LDLRAD4: variants seen among roughly 807,000 people sequenced by gnomAD.
LDLRAD4 encodes the protein low density lipoprotein receptor class A domain containing 4.
In LDLRAD4, 5 loss-of-function variants were observed where a neutral mutation model predicts 17.0. That is an observed-to-expected ratio of 0.29 (90% CI 0.15 to 0.62). The LOEUF (loss-of-function observed/expected upper bound fraction) is 0.62, where lower values mean the gene tolerates loss of function less well. Among genes scored for constraint, LDLRAD4 ranks in the 20% least tolerant of loss-of-function variants. The pLI is 0.84. For missense variants in LDLRAD4, 340 were observed against 424.7 expected, an observed-to-expected ratio of 0.80 and a Z score of 1.75; for synonymous variants, 168 against 171.8, an observed-to-expected ratio of 0.98 and a Z score of 0.17.
At chr18:13,469,472 G>A (rs1852597572) in intron 3 of LDLRAD4, among the ~76,000 whole-genome samples, 1 of 152,082 alleles carries the variant, frequency 6.6e-6, no homozygotes, top group African/African-American at 2.4e-5. Context: ...GCCAGAGAGT[G>A]GAAATAACTT....
At chr18:13,376,502 C>T (rs1568069316) in intron 1 of LDLRAD4, among the ~76,000 whole-genome samples, 1 of 152,214 alleles carries the variant, frequency 6.6e-6, no homozygotes, top group Non-Finnish European at 1.5e-5. Context: ...ATTCTCCTGC[C>T]TGGATCTGAC....
chr18:13,466,472 C>CAA (rs5823251), intron 3 of LDLRAD4, among the ~76,000 whole-genome samples: 2,057 of 108,330 alleles, frequency 0.019, 44 homozygotes, highest in African/African-American at 0.056. Flanking sequence ...CTTGTTTCAC[C>CAA]AAAAAAAAAA....
At chr18:13,535,773 G>T (rs2094193746) in intron 3 of LDLRAD4, among the ~76,000 whole-genome samples, 1 of 152,056 alleles carries the variant, frequency 6.6e-6, no homozygotes, top group African/African-American at 2.4e-5. Flanking sequence ...TCTTCTATAA[G>T]TTTAACAGTT....
rs139187435 is a variant in LDLRAD4 at position 13,509,411 on chromosome 18, T to C, written c.181+71027T>C. ...TTTAAGACTTCAGTGAGGAACTAACTGCAAATAAGGTAGAAATAGCAAGAG... is the reference window on the plus strand; with the variant it reads ...TTTAAGACTTCAGTGAGGAACTAACCGCAAATAAGGTAGAAATAGCAAGAG... On this transcript the variant is annotated intron_variant, in intron 3 of 5. Transcript: ENST00000359446. 3.4e-3 allele frequency among the ~76,000 whole-genome samples: 513 copies of C among 152,338 alleles called. 2 individuals are homozygous for C. The highest frequency in any genetic ancestry group is 5.5e-3 in the Non-Finnish European group (374 of 68,032).
intron 2 of LDLRAD4, among the ~76,000 whole-genome samples, chr18:13,396,424 T>C (rs897873731): frequency 6.6e-6 from 1 of 152,252 alleles, no homozygotes; most frequent in African/African-American, 2.4e-5. Flanking sequence ...AGATTACTTA[T>C]GATACCACAT....
chr18:13,276,662 C>CT (rs2044888475), upstream of LDLRAD4, among the ~76,000 whole-genome samples: 1 of 152,222 alleles, frequency 6.6e-6, no homozygotes, highest in African/African-American at 2.4e-5. Flanking sequence ...CCTCACAGGC[C>CT]CCATCATGAG....
chr18:13,384,582 C>T (rs1265786720), intron 1 of LDLRAD4, among the ~76,000 whole-genome samples: 1 of 152,186 alleles, frequency 6.6e-6, no homozygotes, highest in Non-Finnish European at 1.5e-5. Context: ...CGTTCTTCCT[C>T]CTGCCTCTGG....
At chr18:13,465,655 G>T (rs2092590979) in intron 3 of LDLRAD4, among the ~76,000 whole-genome samples, 1 of 152,226 alleles carries the variant, frequency 6.6e-6, no homozygotes, top group Admixed American at 6.5e-5. Context: ...TGGCATCAGG[G>T]TTGTATCTGT....
rs113898254 is a variant in LDLRAD4, at chr18:13,430,619, C to T, written c.41-7625C>T. ...GGGTGCTGGTTACTTGGGTGTTTTT[C>T]GGTCTGCATAGACTCATTGAGCTGG... On this transcript the variant is annotated intron_variant, in intron 2 of 5. Transcript: ENST00000359446. 9.6e-3 allele frequency among the ~76,000 whole-genome samples: 1,456 copies of T among 152,258 alleles called. 19 individuals are homozygous for T. Among genetic ancestry groups the T allele is most frequent in the African/African-American group, 0.031 (1,302 of 41,550 alleles).
rs143267958 is a variant in LDLRAD4, at chr18:13,229,844, C to T, written c.-467+10856C>T. On this transcript the variant is annotated intron_variant, in intron 1 of 5. Transcript: ENST00000399848. ...GACAGGTGTGCCCACGGTTGCCACACAGGGCTAACAACCATACCAGGGAGA... is the reference window on the plus strand; with the variant it reads ...GACAGGTGTGCCCACGGTTGCCACATAGGGCTAACAACCATACCAGGGAGA... Among the ~76,000 whole-genome samples the T allele has an allele frequency of 6.9e-3, 1,058 of 152,336 alleles. 7 individuals are homozygous for T. Among genetic ancestry groups the T allele is most frequent in the Non-Finnish European group, 0.011 (760 of 68,026 alleles).
chr18:13,277,390 C>G (rs1015758137), upstream of LDLRAD4, among the ~76,000 whole-genome samples: 2 of 152,184 alleles, frequency 1.3e-5, no homozygotes, highest in Non-Finnish European at 2.9e-5. Flanking sequence ...GAGGCGGTCA[C>G]CCGAGGATAC....
intron 3 of LDLRAD4, among the ~76,000 whole-genome samples, chr18:13,512,050 G>T (rs542502938): frequency 2.0e-5 from 3 of 152,290 alleles, no homozygotes; most frequent in Non-Finnish European, 4.4e-5. Flanking sequence ...GAGCGCTTGC[G>T]TTGCTCCGTT....
chr18:13,444,524 G>A (rs1000082740), intron 3 of LDLRAD4, among the ~76,000 whole-genome samples: 3 of 152,210 alleles, frequency 2.0e-5, no homozygotes, highest in Non-Finnish European at 4.4e-5. Context: ...AGTTTTCGGG[G>A]AGTTGAAAGT....
intron 1 of LDLRAD4, among the ~76,000 whole-genome samples, chr18:13,286,727 G>A (rs935828864): frequency 4.6e-5 from 7 of 152,182 alleles, no homozygotes; most frequent in African/African-American, 1.7e-4. Flanking sequence ...CTGAGGGTGG[G>A]AGTCAGTGGA....
chr18:13,443,921 C>T (rs1200041013), intron 3 of LDLRAD4, among the ~76,000 whole-genome samples: 1 of 152,158 alleles, frequency 6.6e-6, no homozygotes. Context: ...GTGAAACTAC[C>T]GCCTCGGTAC....
intron 1 of LDLRAD4, among the ~76,000 whole-genome samples, chr18:13,368,318 G>A (rs1421802672): frequency 2.6e-5 from 4 of 152,098 alleles, no homozygotes; most frequent in Non-Finnish European, 5.9e-5. Flanking sequence ...AAGAGTCGGG[G>A]GCCCTGCAGA....
intron 4 of LDLRAD4, among the ~76,000 whole-genome samples, chr18:13,627,295 T>G (rs943218519): frequency 6.6e-6 from 1 of 152,118 alleles, no homozygotes; most frequent in East Asian, 1.9e-4. Context: ...AATTGTGAGA[T>G]TTCACATGAA....
At chr18:13,520,853 A>C (rs1601055329) in intron 3 of LDLRAD4, 2 of 151,598 alleles carry the variant, frequency 1.3e-5, no homozygotes. Flanking sequence ...ACTGTCTGAA[A>C]AAAAAAAAGC....
chr18:13,408,984 T>A (rs12326146), intron 2 of LDLRAD4, among the ~76,000 whole-genome samples: 6,283 of 152,234 alleles, frequency 0.041, 430 homozygotes, highest in African/African-American at 0.14. Flanking sequence ...TTTGGCTTTG[T>A]GTGCACAGGG....
Sources: gnomAD v4.1 joint callset for allele counts (sites outside exome capture counted in the v4.1 genomes callset) on GRCh38, gnomAD v4.1.1 for gene constraint, MANE v1.5 for transcripts, NCBI Gene and HGNC (gene_info 2026-07-23, HGNC 2026-07-21) for gene names.